Variants in P4HTM observed in about 807,000 individuals in gnomAD.
P4HTM encodes transmembrane prolyl 4-hydroxylase.
A neutral mutation model predicts 55.3 loss-of-function variants in P4HTM; 33 were observed. That is an observed-to-expected ratio of 0.60 (90% CI 0.45 to 0.80). The LOEUF (loss-of-function observed/expected upper bound fraction) is 0.80. P4HTM is among the 30% of genes least tolerant of loss of function. The probability of loss-of-function intolerance (pLI) is 0.00; values close to 1 mark genes in which losing one functional copy is unlikely to be tolerated. For synonymous variants in P4HTM, 272 were observed against 286.4 expected (o/e 0.95, Z 0.51); for missense variants, 542 against 696.5 (o/e 0.78, Z 2.50).
Position 49,004,161 on chromosome 3 carries a change from G to T in P4HTM, c.788G>T (p.Ser263Ile). Residue 263 changes from serine (S) to isoleucine (I), a missense_variant, in exon 5 of 9, where the codon AGC (serine) becomes ATC (isoleucine). Physicochemically the swap from Ser to Ile is moderately radical, Grantham distance 142. Around this residue, in one of 2 missense-constraint regions of P4HTM, gnomAD observed 536 missense variants for 672.1 expected, o/e 0.80. Transcript: ENST00000383729. ...DLRDFHKYMR[S>I]HKAESSELVR... ...CGGGACTTCCACAAGTACATGAGGA[G>T]CCACAAGGCAGAGTCCAGTGAGCTG... is the stretch of plus-strand genomic sequence containing the variant. 2 of 1,551,568 alleles carry T rather than the reference G, an allele frequency of 1.3e-6. No individual in the cohort carries two copies. The highest frequency in any genetic ancestry group is 1.7e-6 in the Non-Finnish European group (2 of 1,147,734).
chr3:49,006,118 G>T lies in P4HTM; in HGVS notation c.1219G>T (p.Gly407Ter). The change falls in exon 8 of 9, where the codon GGA becomes TGA. Residue 407 changes from glycine (G) to a stop codon, truncating the protein, a stop_gained. Transcript: ENST00000383729. LOFTEE classifies it high-confidence loss of function. ...TGACACACGGAGGCACTGTGACAAGGGAAACCTGCGTGTCAAGCCCCAACA... is the reference window on the plus strand; with the variant it reads ...TGACACACGGAGGCACTGTGACAAGTGAAACCTGCGTGTCAAGCCCCAACA... ...LRDTRRHCDK[G>*]NLRVKPQQGT... 6.2e-7 allele frequency: 1 copy of T among 1,612,996 alleles called. No individual in the cohort carries two copies. The highest frequency in any genetic ancestry group is 8.5e-7 in the Non-Finnish European group (1 of 1,179,948).
At chr3:49,006,022 A>T in intron 7 of P4HTM, 42 bp from the exon 8 acceptor site, 3 of 1,592,892 alleles carry the variant, frequency 1.9e-6, no homozygotes, top group Non-Finnish European at 2.6e-6. Flanking sequence ...CTGGCCATAG[A>T]GTGGGGACAG....
intron 2 of P4HTM, among the ~76,000 whole-genome samples, chr3:48,998,564 C>T (rs1429095091): frequency 6.6e-6 from 1 of 152,228 alleles, no homozygotes; most frequent in Non-Finnish European, 1.5e-5. Flanking sequence ...CCCGCCCTCC[C>T]ACTCAGGTGC....
chr3:49,004,016 G>C, intron 4 of P4HTM, 82 bp from the exon 5 acceptor site: 1 of 1,367,760 alleles, frequency 7.3e-7, no homozygotes, highest in Admixed American at 2.2e-5. Context: ...TGCTGCCTTT[G>C]GGGTAGGTAG....
intron 2 of P4HTM, among the ~76,000 whole-genome samples, chr3:48,994,231 C>A (rs1323208717): frequency 6.6e-6 from 1 of 152,146 alleles, no homozygotes; most frequent in African/African-American, 2.4e-5. Flanking sequence ...AAGCAGGGCC[C>A]AAGAAGAGTG....
At position 49,002,684 on chromosome 3, in the gene P4HTM, C is replaced by A. The variant is rs757985559; in HGVS notation, c.724+88C>A. ...ATTTTGAAAACTTGGGCCCTTCCCC[C>A]ACAGCCAGGCAGCCTCTCTGCACCC... On this transcript the variant is annotated intron_variant, in intron 4 of 8. Coordinates refer to ENST00000383729, the MANE Select transcript of P4HTM (RefSeq NM_177939.3). This position sits in a 1 kb window ranked among gnomAD's most constrained non-coding sequence, Gnocchi z 4.4. The A allele has an allele frequency of 1.5e-5, 14 of 961,006 alleles. No homozygotes were observed. The African/African-American group carries it at 2.1e-4, about 14-fold the overall frequency. 59.5% of individuals were successfully genotyped at this position (961,006 alleles called of 1,614,324 possible).
intron 2 of P4HTM, among the ~76,000 whole-genome samples, chr3:48,993,859 C>CAAAAAAAAA (rs60867672): frequency 2.3e-5 from 1 of 43,774 alleles, no homozygotes; most frequent in Non-Finnish European, 4.8e-5. Flanking sequence ...GACTCCATCA[C>CAAAAAAAAA]AAAAAAAAAA....
At chr3:48,992,532 G>A (rs1238719027) in intron 2 of P4HTM, among the ~76,000 whole-genome samples, 1 of 151,458 alleles carries the variant, frequency 6.6e-6, no homozygotes, top group Non-Finnish European at 1.5e-5. Context: ...CTTGAACCCA[G>A]GAGGCAGAGG....
At chr3:49,001,325 C>T (rs773385528) in intron 2 of P4HTM, 113 bp from the exon 3 acceptor site, 2 of 900,214 alleles carry the variant, frequency 2.2e-6, no homozygotes. Flanking sequence ...TCCTCCAGAC[C>T]TGGTGGCCAC....
At chr3:48,995,403 C>T (rs1033082826) in intron 2 of P4HTM, among the ~76,000 whole-genome samples, 1 of 152,168 alleles carries the variant, frequency 6.6e-6, no homozygotes, top group African/African-American at 2.4e-5. Context: ...TTAAAAGGTT[C>T]CCAGGCACCC....
Position 48,999,156 on chromosome 3 carries a change from G to C in P4HTM, c.437-2282G>C, listed in dbSNP as rs2092954339. ...AGCGCCCAGCCCTGATAGGTGCTCA[G>C]GTGCTCAGCAAGGATTACTGAAGAC... On this transcript the variant is annotated intron_variant, in intron 2 of 8. Coordinates refer to ENST00000383729, the MANE Select transcript of P4HTM (RefSeq NM_177939.3). This position sits in a 1 kb window ranked among gnomAD's most constrained non-coding sequence, Gnocchi z 4.8. 1 of 152,226 alleles carries C rather than the reference G, an allele frequency of 6.6e-6. No individual in the cohort carries two copies. The highest frequency in any genetic ancestry group is 6.5e-5 in the Admixed American group (1 of 15,282). 9.4% of individuals were successfully genotyped at this position (152,226 alleles called of 1,614,324 possible). A position where few individuals can be genotyped will look rare whatever the true frequency, so the allele number is the denominator to read the frequency against.
At chr3:48,995,072 A>G (rs978822955) in intron 2 of P4HTM, among the ~76,000 whole-genome samples, 3 of 152,152 alleles carry the variant, frequency 2.0e-5, no homozygotes, top group Non-Finnish European at 4.4e-5. Flanking sequence ...AAGTGCTGGG[A>G]TTACAGACAT....
intron 2 of P4HTM, chr3:48,992,085 CT>C (rs1356847344): frequency 6.6e-6 from 1 of 152,186 alleles, no homozygotes; most frequent in Non-Finnish European, 1.5e-5. Flanking sequence ...ATTACTATTA[CT>C]ATTGAGTAAC....
rs772802165 is a variant in P4HTM, at chr3:49,005,760, C to A, written c.1074-17C>A. 10 of 1,586,516 alleles carry A rather than the reference C, an allele frequency of 6.3e-6. No homozygotes were observed. In the East Asian group the frequency reaches 1.8e-4, roughly 29 times the overall value. Reference sequence around the variant, plus strand: ...TCCACAACTGGGGACCTGCTCAGTGCCCCCCCTGCCTTACAGCTACATGAC... The same window carrying A: ...TCCACAACTGGGGACCTGCTCAGTGACCCCCCTGCCTTACAGCTACATGAC... On this transcript the variant is annotated splice_polypyrimidine_tract_variant and intron_variant, in intron 6 of 8. Transcript: ENST00000383729.
At chr3:48,991,903 G>C (rs1045106950) in intron 2 of P4HTM, 1 of 152,232 alleles carries the variant, frequency 6.6e-6, no homozygotes, top group African/African-American at 2.4e-5. Context: ...TTAGGAGCTG[G>C]GGCCAAAGTA....
At position 49,002,736 on chromosome 3, in the gene P4HTM, T is replaced by G. The variant is rs1576607194; in HGVS notation, c.724+140T>G. The stretch of plus-strand genomic sequence containing the variant: ...TTTATAGTGGCCAGAGATGGGGAGG[T>G]GAAGATCCAGCCTTGCTTTTTACCC... On this transcript the variant is annotated intron_variant, in intron 4 of 8. Transcript: ENST00000383729. The surrounding 1 kb of genome is among the most constrained non-coding windows in gnomAD (Gnocchi z 4.4). 1 of 735,090 alleles carries G rather than the reference T, an allele frequency of 1.4e-6. No individual in the cohort carries two copies. Among genetic ancestry groups the G allele is most frequent in the Non-Finnish European group, 2.4e-6 (1 of 408,752 alleles). The allele number at this position is 735,090 out of a possible 1,614,324, so 45.5% of individuals were successfully genotyped here.
At chr3:49,005,156 C>A in intron 6 of P4HTM, 110 bp downstream of exon 6, 1 of 1,609,048 alleles carries the variant, frequency 6.2e-7, no homozygotes, top group Admixed American at 1.7e-5. Flanking sequence ...GCCAGGAGAT[C>A]ACTGGGTTAT....
chr3:49,000,597 A>G (rs979551363), intron 2 of P4HTM, among the ~76,000 whole-genome samples: 7 of 152,142 alleles, frequency 4.6e-5, no homozygotes, highest in African/African-American at 1.7e-4. Context: ...AAGGGAAGGA[A>G]GCAGGGCCCA....
Position 49,005,819 on chromosome 3 carries a change from G to A in P4HTM, c.1116G>A (p.Gly372=), listed in dbSNP as rs754811205. The A allele has an allele frequency of 1.9e-6, 3 of 1,585,036 alleles. No homozygotes were observed. The African/African-American group carries it at 4.1e-5, about 21-fold the overall frequency. The part of the protein sequence containing the change: ...VLFYLNNVTG[G]GETVFPVADN... ...TTTATTTGAACAACGTCACTGGTGG[G>A]GGCGAGACTGTTTTCCCTGTAGCAG... Residue 372 remains glycine, a synonymous_variant, in exon 7 of 9, where the codon GGG becomes GGA. Coordinates refer to ENST00000383729, the MANE Select transcript of P4HTM (RefSeq NM_177939.3).
Sources: allele counts gnomAD v4.1 joint callset (sites outside exome capture counted in the v4.1 genomes callset), GRCh38; gene constraint gnomAD v4.1.1; regional missense constraint gnomAD v4.1.1; non-coding constraint Gnocchi (gnomAD v3.1); transcripts MANE v1.5; gene names NCBI Gene and HGNC (gene_info 2026-07-23, HGNC 2026-07-21).